IFI44L: variants seen among roughly 807,000 people sequenced by gnomAD.
The protein encoded by IFI44L is interferon-induced protein 44-like.
A neutral mutation model predicts 39.3 loss-of-function variants in IFI44L; 40 were observed. That is an observed-to-expected ratio of 1.02 (90% CI 0.79 to 1.33). The LOEUF (loss-of-function observed/expected upper bound fraction) is 1.33. Ranked by LOEUF, IFI44L falls within the 40% of genes most tolerant of loss-of-function variation. The pLI is 0.00. For missense variants in IFI44L, 623 were observed against 549.0 expected (o/e 1.13, Z -1.35); for synonymous variants, 198 against 182.3 (o/e 1.09, Z -0.69).
At position 78,641,942 on chromosome 1, in the gene IFI44L, C is replaced by T; in HGVS notation, c.*133C>T. 1.9e-6 allele frequency: 2 copies of T among 1,038,764 alleles called. No individual in the cohort carries two copies. Among genetic ancestry groups the T allele is most frequent in the Non-Finnish European group, 3.0e-6 (2 of 661,816 alleles). 64.3% of individuals were successfully genotyped at this position (1,038,764 alleles called of 1,614,324 possible). On this transcript the variant is annotated 3_prime_UTR_variant, in exon 9 of 9. Coordinates refer to ENST00000370751, the MANE Select transcript of IFI44L (RefSeq NM_006820.4). ...CCTTCTGTCCTTGGAACAGTCATATCTCAAGTTCAAAGGCCAAAACCTGAG... is the reference window on the plus strand; with the variant it reads ...CCTTCTGTCCTTGGAACAGTCATATTTCAAGTTCAAAGGCCAAAACCTGAG...
intron 1 of IFI44L, among the ~76,000 whole-genome samples, chr1:78,623,201 C>T (rs1276130383): frequency 6.6e-6 from 1 of 151,748 alleles, no homozygotes; most frequent in African/African-American, 2.4e-5. Flanking sequence ...TTATTTTGGC[C>T]TACTTGTTCT....
intron 4 of IFI44L, among the ~76,000 whole-genome samples, chr1:78,634,533 C>A (rs1652868320): frequency 6.6e-6 from 1 of 151,992 alleles, no homozygotes; most frequent in Non-Finnish European, 1.5e-5. Context: ...CCTGGATGAA[C>A]AAAAGCTGAG....
Position 78,644,405 on chromosome 1 carries a change from A to G in IFI44L, c.*2596A>G, listed in dbSNP as rs959259096. 3 of 152,222 alleles carry G rather than the reference A, an allele frequency of 2.0e-5. No individual in the cohort carries two copies. The highest frequency in any genetic ancestry group is 7.2e-5 in the African/African-American group (3 of 41,464). 9.4% of individuals were successfully genotyped at this position (152,222 alleles called of 1,614,324 possible). On this transcript the variant is annotated 3_prime_UTR_variant, in exon 9 of 9. Coordinates refer to ENST00000370751, the MANE Select transcript of IFI44L (RefSeq NM_006820.4). ...TTATCCCTTTTGTGCTAAAATGGAC[A>G]GTATTGGCAAAATGATACCACAACT... is the stretch of plus-strand genomic sequence containing the variant.
At chr1:78,635,558 C>A in intron 5 of IFI44L, 69 bp downstream of exon 5, 1 of 1,457,138 alleles carries the variant, frequency 6.9e-7, no homozygotes, top group South Asian at 1.2e-5. Flanking sequence ...AATTTTTAAC[C>A]ACATAAGGCA....
rs911713500 is a variant in IFI44L, at chr1:78,645,531, G to T, written c.*3722G>T. ...TGACGCAAATTGATAGGGGGGCCAA[G>T]TAAGCCCCATATGCTTAATGATCAG... On this transcript the variant is annotated 3_prime_UTR_variant, in exon 9 of 9. Transcript: ENST00000370751. 2 of 152,194 alleles carry T rather than the reference G, an allele frequency of 1.3e-5. No individual in the cohort carries two copies. Among genetic ancestry groups the T allele is most frequent in the East Asian group, 3.8e-4 (2 of 5,200 alleles). 9.4% of individuals were successfully genotyped at this position (152,194 alleles called of 1,614,324 possible).
chr1:78,625,491 A>G (rs1652451602), intron 1 of IFI44L, among the ~76,000 whole-genome samples: 1 of 151,988 alleles, frequency 6.6e-6, no homozygotes, highest in South Asian at 2.1e-4. Flanking sequence ...GTTTTCTCTT[A>G]CGTTTTTGAT....
At position 78,643,275 on chromosome 1, in the gene IFI44L, A is replaced by C. The variant is rs1557693033; in HGVS notation, c.*1466A>C. On this transcript the variant is annotated 3_prime_UTR_variant, in exon 9 of 9. Transcript: ENST00000370751. ...ATTAAGTCTTTAAAAAAGACCTAGGAATAGGAGAACCATGGAAATTGAGGA... is the reference window on the plus strand; with the variant it reads ...ATTAAGTCTTTAAAAAAGACCTAGGCATAGGAGAACCATGGAAATTGAGGA... 1 of 152,116 alleles carries C rather than the reference A, an allele frequency of 6.6e-6. No individual in the cohort carries two copies. Among genetic ancestry groups the C allele is most frequent in the African/African-American group, 2.4e-5 (1 of 41,442 alleles). 9.4% of individuals were successfully genotyped at this position (152,116 alleles called of 1,614,324 possible).
rs971273666 is a variant in IFI44L, at chr1:78,628,298, A to T, written c.383A>T (p.Asn128Ile). 6.2e-7 allele frequency: 1 copy of T among 1,605,448 alleles called. No individual in the cohort carries two copies. The highest frequency in any genetic ancestry group is 1.3e-5 in the African/African-American group (1 of 74,646). ...GATATTTTCATTATATGTCGAGATAATAAAATTTATCTAGATAAAATGATA... is the reference window on the plus strand; with the variant it reads ...GATATTTTCATTATATGTCGAGATATTAAAATTTATCTAGATAAAATGATA... The part of the protein sequence containing the change: ...KTDIFIICRD[N>I]KIYLDKMITR... The change falls in exon 2 of 9, where the codon AAT becomes ATT. Residue 128 changes from asparagine (N) to isoleucine (I), a missense_variant. By Grantham distance (149) the Asn-to-Ile change is moderately radical (BLOSUM62 -3). Transcript: ENST00000370751.
At chr1:78,641,307 A>C (rs1646981367) in intron 7 of IFI44L, 128 bp from the exon 8 acceptor site, 2 of 925,692 alleles carry the variant, frequency 2.2e-6, no homozygotes, top group Admixed American at 5.1e-5. Context: ...GATCTGAATT[A>C]TTGTATGTTC....
In IFI44L at chr1:78,628,402, A is replaced by T. The variant is rs567614104; in HGVS notation, c.478+9A>T. ...AGTTTTTCGAGTTGAAGGTTTGTAAAATTAGATAATCCTACATCTCACATT... is the reference window on the plus strand; with the variant it reads ...AGTTTTTCGAGTTGAAGGTTTGTAATATTAGATAATCCTACATCTCACATT... On this transcript the variant is annotated intron_variant, in intron 2 of 8. Coordinates refer to ENST00000370751, the MANE Select transcript of IFI44L (RefSeq NM_006820.4). 7.2e-7 allele frequency: 1 copy of T among 1,393,880 alleles called. No individual in the cohort carries two copies. Among genetic ancestry groups the T allele is most frequent in the East Asian group, 2.3e-5 (1 of 43,570 alleles). 86.3% of individuals were successfully genotyped at this position (1,393,880 alleles called of 1,614,324 possible). A position where few individuals can be genotyped will look rare whatever the true frequency, so the allele number is the denominator to read the frequency against.
At position 78,643,536 on chromosome 1, in the gene IFI44L, G is replaced by A. The variant is rs1647011307; in HGVS notation, c.*1727G>A. The A allele has an allele frequency of 6.6e-6, 1 of 151,982 alleles. No homozygotes were observed. Among genetic ancestry groups the A allele is most frequent in the Admixed American group, 6.6e-5 (1 of 15,252 alleles). The allele number at this position is 151,982 out of a possible 1,614,324, so 9.4% of individuals were successfully genotyped here. On this transcript the variant is annotated 3_prime_UTR_variant, in exon 9 of 9. Transcript: ENST00000370751. ...TTTAGGATTTTTAAGAGAAAGGCAG[G>A]TAAGGTGCTGAAGGTCTGGAGCTGC...
Position 78,641,086 on chromosome 1 carries a change from T to C in IFI44L, c.1114T>C (p.Leu372=), listed in dbSNP as rs1281347583. 6.2e-7 allele frequency: 1 copy of C among 1,612,902 alleles called. No homozygotes were observed. The highest frequency in any genetic ancestry group is 1.7e-5 in the Admixed American group (1 of 59,996). ...DCSEVLQDNF[L]NMSRSMTSQS... is the part of the protein sequence containing the mutation. ...CAGTGAGGTTCTTCAAGACAACTTT[T>C]TAAACATGAGTAGATCTATGACTTC... Residue 372 remains leucine (L), a synonymous_variant, in exon 7 of 9, where the codon TTA becomes CTA. Transcript: ENST00000370751.
chr1:78,639,603 T>A (rs996621410), intron 6 of IFI44L, among the ~76,000 whole-genome samples: 2 of 152,142 alleles, frequency 1.3e-5, no homozygotes, highest in Non-Finnish European at 2.9e-5. Context: ...TCTCAAGGTC[T>A]CTAGCCAAAT....
At chr1:78,631,416 A>G (rs369776428) in intron 4 of IFI44L, 13 of 152,168 alleles carry the variant, frequency 8.5e-5, no homozygotes, top group Admixed American at 2.0e-4. Flanking sequence ...TCATGGCCCA[A>G]TGAGAGCTTT....
intron 1 of IFI44L, among the ~76,000 whole-genome samples, chr1:78,622,243 G>A (rs1652303871): frequency 6.6e-6 from 1 of 152,074 alleles, no homozygotes; most frequent in African/African-American, 2.4e-5. Context: ...CGTCCATGTT[G>A]CTGCAAATGA....
In IFI44L at chr1:78,641,919, T is replaced by C; in HGVS notation, c.*110T>C. The C allele has an allele frequency of 8.1e-7, 1 of 1,239,898 alleles. No individual in the cohort carries two copies. Among genetic ancestry groups the C allele is most frequent in the Non-Finnish European group, 1.2e-6 (1 of 839,492 alleles). 76.8% of individuals were successfully genotyped at this position (1,239,898 alleles called of 1,614,324 possible). On this transcript the variant is annotated 3_prime_UTR_variant, in exon 9 of 9. Transcript: ENST00000370751. ...AGATTTTGCTTTTGTTCGTTTTGCC[T>C]TCTGTCCTTGGAACAGTCATATCTC...
intron 4 of IFI44L, among the ~76,000 whole-genome samples, chr1:78,634,235 T>A (rs907025412): frequency 1.3e-5 from 2 of 152,114 alleles, no homozygotes; most frequent in African/African-American, 4.8e-5. Flanking sequence ...AAGTCCCCAG[T>A]CAGATTTAAT....
intron 1 of IFI44L, among the ~76,000 whole-genome samples, chr1:78,623,009 T>G (rs1652333630): frequency 6.6e-6 from 1 of 152,194 alleles, no homozygotes; most frequent in Non-Finnish European, 1.5e-5. Context: ...TTGTTTTAAG[T>G]CTCTAAACGT....
chr1:78,623,227 T>C (rs1019413474), intron 1 of IFI44L, among the ~76,000 whole-genome samples: 2 of 152,118 alleles, frequency 1.3e-5, no homozygotes, highest in African/African-American at 4.8e-5. Context: ...GGACATTCAG[T>C]ATTATGTTGA....
Sources: gnomAD v4.1 joint callset for allele counts (sites outside exome capture counted in the v4.1 genomes callset) on GRCh38, gnomAD v4.1.1 for gene constraint, MANE v1.5 for transcripts, NCBI Gene and HGNC (gene_info 2026-07-23, HGNC 2026-07-21) for gene names.